Variants in IL7 observed in about 807,000 individuals in gnomAD.
The protein encoded by IL7 is interleukin 7.
In IL7, 3 loss-of-function variants were observed where a neutral mutation model predicts 21.6. That is an observed-to-expected ratio of 0.14 (90% CI 0.06 to 0.36). The LOEUF (loss-of-function observed/expected upper bound fraction) is 0.36. Among genes scored for constraint, IL7 ranks in the 10% least tolerant of loss-of-function variants. The pLI is 1.00. For synonymous variants in IL7, 62 were observed against 68.1 expected (o/e 0.91, Z 0.44); for missense variants, 175 against 200.2 (o/e 0.87, Z 0.76).
chr8:78,704,215 C>G (rs1810696872), intron 3 of IL7, among the ~76,000 whole-genome samples: 2 of 151,422 alleles, frequency 1.3e-5, no homozygotes, highest in Admixed American at 1.3e-4. Context: ...AAGCCTGTCT[C>G]TATTTAAAAA....
intron 4 of IL7, 128 bp from the exon 5 acceptor site, chr8:78,736,655 ATTG>A (rs1202600172): frequency 1.4e-5 from 8 of 565,792 alleles, no homozygotes; most frequent in African/African-American, 7.7e-5. Flanking sequence ...TAAATTTCTT[ATTG>A]TTAAGAAAGT....
At chr8:78,737,164 T>G (rs555369652) in intron 4 of IL7, among the ~76,000 whole-genome samples, 6 of 152,232 alleles carry the variant, frequency 3.9e-5, no homozygotes, top group African/African-American at 1.2e-4. Flanking sequence ...AGAGAAAGAA[T>G]CACAAATATA....
At chr8:78,759,748 C>T (rs941139604) in intron 2 of IL7, among the ~76,000 whole-genome samples, 2 of 152,124 alleles carry the variant, frequency 1.3e-5, no homozygotes, top group African/African-American at 4.8e-5. Context: ...CAATTGTGGG[C>T]TTAACTATAA....
At chr8:78,731,645 G>A (rs1280140260), downstream of IL7, among the ~76,000 whole-genome samples, 1 of 151,774 alleles carries the variant, frequency 6.6e-6, no homozygotes, top group Non-Finnish European at 1.5e-5. Context: ...TGTTTATTGA[G>A]ATAAATCTCT....
intron 3 of IL7, among the ~76,000 whole-genome samples, chr8:78,723,224 A>G (rs1811276009): frequency 6.6e-6 from 1 of 151,624 alleles, no homozygotes; most frequent in South Asian, 2.1e-4. Flanking sequence ...TCTTCATGCT[A>G]TATATAGGAA....
chr8:78,781,923 A>G (rs1274998045), intron 2 of IL7, among the ~76,000 whole-genome samples: 1 of 151,944 alleles, frequency 6.6e-6, no homozygotes, highest in East Asian at 1.9e-4. Flanking sequence ...ATTTCTTTTC[A>G]TGCCTTTTTT....
At chr8:78,700,543 C>G (rs1810565975) in intron 3 of IL7, among the ~76,000 whole-genome samples, 1 of 152,110 alleles carries the variant, frequency 6.6e-6, no homozygotes, top group Admixed American at 6.6e-5. Flanking sequence ...GTTTTTGTTG[C>G]AATTGCTTTT....
intron 3 of IL7, among the ~76,000 whole-genome samples, chr8:78,712,587 A>T (rs1810984939): frequency 1.3e-5 from 2 of 152,160 alleles, no homozygotes; most frequent in South Asian, 4.1e-4. Flanking sequence ...TTTTTGTTAG[A>T]TGGTTGTAAA....
chr8:78,747,849 A>C (rs1007352499), intron 2 of IL7, among the ~76,000 whole-genome samples: 2 of 152,236 alleles, frequency 1.3e-5, no homozygotes, highest in African/African-American at 4.8e-5. Flanking sequence ...TGTTATGAAT[A>C]CAAGATATAT....
intron 3 of IL7, among the ~76,000 whole-genome samples, chr8:78,697,743 A>G (rs1810472151): frequency 6.6e-6 from 1 of 150,802 alleles, no homozygotes; most frequent in Non-Finnish European, 1.5e-5. Context: ...CAGTGGTGGA[A>G]TCTCAGCTCA....
At chr8:78,675,901 A>T in exon 5 of IL7, 1 of 1,543,160 alleles carries the variant, frequency 6.5e-7, no homozygotes, top group Non-Finnish European at 8.9e-7. Flanking sequence ...GGTTTTACAG[A>T]TCTGTAATTG....
chr8:78,763,139 T>C (rs1336545816), intron 2 of IL7, among the ~76,000 whole-genome samples: 2 of 152,242 alleles, frequency 1.3e-5, no homozygotes, highest in Non-Finnish European at 2.9e-5. Flanking sequence ...ACACAAGCAC[T>C]GTCAGTGGTG....
chr8:78,727,075 A>G (rs1392491705), intron 3 of IL7, among the ~76,000 whole-genome samples: 1 of 151,986 alleles, frequency 6.6e-6, no homozygotes, highest in African/African-American at 2.4e-5. Flanking sequence ...GGACTGGTAC[A>G]TCTGTGGGCC....
chr8:78,760,742 C>A (rs1285692769), intron 2 of IL7: 11 of 1,565,034 alleles, frequency 7.0e-6, no homozygotes, highest in African/African-American at 1.4e-5. Context: ...TTCCAAGTTA[C>A]CCTGGTGAGC....
intron 2 of IL7, among the ~76,000 whole-genome samples, chr8:78,752,893 CT>C (rs1177360179): frequency 1.3e-5 from 2 of 152,064 alleles, no homozygotes; most frequent in Non-Finnish European, 1.5e-5. Context: ...TGGTTTCCTG[CT>C]TCATCCATGT....
At chr8:78,785,161 A>G (rs1031019261) in intron 2 of IL7, among the ~76,000 whole-genome samples, 1 of 152,144 alleles carries the variant, frequency 6.6e-6, no homozygotes, top group Admixed American at 6.6e-5. Context: ...GATATAACTT[A>G]GTAACAATCA....
intron 2 of IL7, among the ~76,000 whole-genome samples, chr8:78,756,772 G>T (rs1232619309): frequency 6.6e-6 from 1 of 151,232 alleles, no homozygotes; most frequent in African/African-American, 2.4e-5. Context: ...ATTTTTTCTA[G>T]GATTTTATTT....
In IL7 at chr8:78,804,946, C is replaced by CA; in HGVS notation, c.-25dup. ...ATGGTCTGCGGGAGGCGGGCGTAGT[C>CA]ATGATGACCGCAACTGGAGCAGGAG... On this transcript the variant is annotated 5_prime_UTR_variant, in exon 1 of 6. The change abolishes an upstream ATG in the 5' untranslated region. Coordinates refer to ENST00000263851, the MANE Select transcript of IL7 (RefSeq NM_000880.4). 1 of 1,610,748 alleles carries CA rather than the reference C, an allele frequency of 6.2e-7. No homozygotes were observed. Among genetic ancestry groups the CA allele is most frequent in the South Asian group, 1.1e-5 (1 of 90,674 alleles).
At chr8:78,778,184 C>T (rs955331609) in intron 2 of IL7, among the ~76,000 whole-genome samples, 3 of 152,064 alleles carry the variant, frequency 2.0e-5, no homozygotes, top group African/African-American at 7.2e-5. Context: ...TATACCTGTG[C>T]TCATTATTTA....
Sources: allele counts gnomAD v4.1 joint callset (sites outside exome capture counted in the v4.1 genomes callset), GRCh38; gene constraint gnomAD v4.1.1; transcripts MANE v1.5; gene names NCBI Gene and HGNC (gene_info 2026-07-23, HGNC 2026-07-21).